Variants in LINGO2 observed in about 807,000 individuals in gnomAD.
The protein encoded by LINGO2 is leucine-rich repeat and immunoglobulin-like domain-containing nogo receptor-interacting protein 2.
In LINGO2, 14 loss-of-function variants were observed where a neutral mutation model predicts 30.6. The ratio of observed to expected loss-of-function variants is 0.46; its 90% CI spans 0.30 to 0.72. LINGO2 has a LOEUF of 0.72. Among genes scored for constraint, LINGO2 ranks in the 30% least tolerant of loss-of-function variants. The pLI is 0.07. For synonymous variants in LINGO2, 317 were observed against 288.5 expected, an observed-to-expected ratio of 1.10 and a Z score of -1.00; for missense variants, 729 against 751.7, an observed-to-expected ratio of 0.97 and a Z score of 0.35.
intron 3 of LINGO2, among the ~76,000 whole-genome samples, chr9:28,372,071 A>T (rs1041891869): frequency 2.6e-5 from 4 of 152,136 alleles, no homozygotes; most frequent in African/African-American, 9.6e-5. Context: ...TGAATAGTAG[A>T]TGGATGGAAT....
chr9:27,978,610 G>T (rs745388117), intron 5 of LINGO2, among the ~76,000 whole-genome samples: 1 of 151,984 alleles, frequency 6.6e-6, no homozygotes, highest in Non-Finnish European at 1.5e-5. Flanking sequence ...CCTTCATGAA[G>T]GTCTTCCTAC....
intron 1 of LINGO2, among the ~76,000 whole-genome samples, chr9:28,485,752 T>A (rs1229173404): frequency 3.9e-5 from 6 of 152,112 alleles, no homozygotes; most frequent in Non-Finnish European, 7.4e-5. Flanking sequence ...CCTGCTTAGT[T>A]AGCAAGATAC....
intron 4 of LINGO2, among the ~76,000 whole-genome samples, chr9:28,239,735 G>C (rs1286140769): frequency 6.6e-6 from 1 of 152,074 alleles, no homozygotes; most frequent in South Asian, 2.1e-4. Flanking sequence ...CTACAAGATT[G>C]CTCACTTTCA....
the LINGO2 span, among the ~76,000 whole-genome samples, chr9:28,763,540 A>G: frequency 6.6e-6 from 1 of 152,108 alleles, no homozygotes; most frequent in South Asian, 2.1e-4. Context: ...AAGCAGTACT[A>G]AGCGAGAAGT....
the LINGO2 span, among the ~76,000 whole-genome samples, chr9:28,799,364 G>A: frequency 2.0e-5 from 3 of 152,206 alleles, no homozygotes; most frequent in Admixed American, 2.0e-4. Flanking sequence ...TCCCACCCAA[G>A]GCCAGTGATA....
intron 3 of LINGO2, among the ~76,000 whole-genome samples, chr9:28,352,281 C>T (rs1819933065): frequency 6.7e-6 from 1 of 149,214 alleles, no homozygotes; most frequent in Non-Finnish European, 1.5e-5. Context: ...TCTCCTTAAG[C>T]TGATAAGCAA....
the LINGO2 span, among the ~76,000 whole-genome samples, chr9:28,744,640 A>ATTT: frequency 0.011 from 1,264 of 113,846 alleles, 47 homozygotes; most frequent in Middle Eastern, 0.036. Flanking sequence ...GTGTGTGTGT[A>ATTT]TTTTTTTTTT....
At chr9:28,305,892 T>C (rs988948236) in intron 3 of LINGO2, among the ~76,000 whole-genome samples, 1 of 152,102 alleles carries the variant, frequency 6.6e-6, no homozygotes, top group South Asian at 2.1e-4. Flanking sequence ...ATTTAAGAGA[T>C]ACACTTGACT....
At chr9:29,202,440 A>T in the LINGO2 span, among the ~76,000 whole-genome samples, 1 of 152,028 alleles carries the variant, frequency 6.6e-6, no homozygotes, top group Non-Finnish European at 1.5e-5. Flanking sequence ...TGCTTCCAAC[A>T]TCTAAAAATT....
downstream of LINGO2, chr9:27,943,865 C>T (rs1823265061): frequency 6.6e-6 from 1 of 152,056 alleles, no homozygotes; most frequent in African/African-American, 2.4e-5. Flanking sequence ...AGTTCCTGCT[C>T]TTTTTCTCCT....
chr9:28,562,666 C>T (rs1016547465), intron 1 of LINGO2, among the ~76,000 whole-genome samples: 2 of 151,852 alleles, frequency 1.3e-5, no homozygotes, highest in African/African-American at 2.4e-5. Context: ...AGGTGAGCCT[C>T]TTTCTGATGT....
At chr9:28,639,485 T>G (rs1391419418) in intron 1 of LINGO2, among the ~76,000 whole-genome samples, 1 of 152,180 alleles carries the variant, frequency 6.6e-6, no homozygotes, top group Non-Finnish European at 1.5e-5. Context: ...AAGGACTTGC[T>G]TTATGAATCT....
chr9:28,420,640 G>A (rs1451144873), intron 2 of LINGO2, among the ~76,000 whole-genome samples: 1 of 151,906 alleles, frequency 6.6e-6, no homozygotes, highest in Non-Finnish European at 1.5e-5. Flanking sequence ...CAGGTCACAG[G>A]GCTGAACTAT....
chr9:29,132,564 A>G, the LINGO2 span, among the ~76,000 whole-genome samples: 1 of 152,144 alleles, frequency 6.6e-6, no homozygotes, highest in Admixed American at 6.6e-5. Flanking sequence ...AAGCCACAGA[A>G]AATAAAGTAA....
At chr9:29,035,711 G>A in the LINGO2 span, among the ~76,000 whole-genome samples, 2 of 151,738 alleles carry the variant, frequency 1.3e-5, no homozygotes, top group African/African-American at 2.4e-5. Context: ...ATGTTAAGAA[G>A]ACAAAGACAA....
At chr9:28,694,913 G>C in the LINGO2 span, among the ~76,000 whole-genome samples, 1 of 150,854 alleles carries the variant, frequency 6.6e-6, no homozygotes, top group Non-Finnish European at 1.5e-5. Context: ...TAAATTAGAG[G>C]ACACAGTTTC....
At chr9:28,935,911 G>A in the LINGO2 span, among the ~76,000 whole-genome samples, 2 of 151,992 alleles carry the variant, frequency 1.3e-5, no homozygotes, top group Non-Finnish European at 2.9e-5. Flanking sequence ...ATTTTGTTTT[G>A]TTAGAGAAAC....
chr9:28,098,200 G>T lies in LINGO2; in HGVS notation c.-86-85795C>A, dbSNP rs542576930. ...TCCACCTGTGGTCCCAGCTACTAGG[G>T]AGGCTGAGGCAGAAGAATCGCTTGA... On this transcript the variant is annotated intron_variant, in intron 4 of 5. Coordinates refer to ENST00000379992, the Ensembl canonical transcript of LINGO2. Among the ~76,000 whole-genome samples the T allele has an allele frequency of 6.6e-5, 10 of 152,196 alleles. 1 individual carries two copies. The highest frequency in any genetic ancestry group is 3.4e-3 in the Middle Eastern group (1 of 292).
chr9:28,088,744 C>G (rs912452794), intron 4 of LINGO2, among the ~76,000 whole-genome samples: 1 of 152,076 alleles, frequency 6.6e-6, no homozygotes, highest in Non-Finnish European at 1.5e-5. Context: ...GGGCTAAATG[C>G]TCCAATTAAA....
Sources: gnomAD v4.1 joint callset for allele counts (sites outside exome capture counted in the v4.1 genomes callset) on GRCh38, gnomAD v4.1.1 for gene constraint, MANE v1.5 for transcripts, NCBI Gene and HGNC (gene_info 2026-07-23, HGNC 2026-07-21) for gene names.